SETD1A: variants seen among roughly 807,000 people sequenced by gnomAD.
The protein encoded by SETD1A is SET domain containing 1A, histone lysine methyltransferase, also known as histone-lysine N-methyltransferase SETD1A.
SETD1A carries 29 observed loss-of-function variants against 149.9 expected under a neutral mutation model. The observed-to-expected ratio is 0.19, with a 90% CI of 0.14 to 0.26. The LOEUF is 0.26. Ranked by LOEUF, SETD1A falls within the 10% of genes least tolerant of loss-of-function variation. SETD1A has a pLI of 1.00. For missense variants in SETD1A, 2,109 were observed against 2,353.1 expected, an observed-to-expected ratio of 0.90 and a Z score of 2.15; for synonymous variants, 1,141 against 968.5, an observed-to-expected ratio of 1.18 and a Z score of -3.31.
intron 4 of SETD1A, among the ~76,000 whole-genome samples, chr16:30,962,068 T>A (rs1488059536): frequency 6.6e-6 from 1 of 150,380 alleles, no homozygotes; most frequent in Non-Finnish European, 1.5e-5. Context: ...TTTTTAATTT[T>A]TTTTTTTTTT....
chr16:30,965,989 C>T lies in SETD1A; in HGVS notation c.2108C>T (p.Ser703Leu). Residue 703 changes from serine to leucine, a missense_variant, in exon 8 of 19, where the codon TCA becomes TTA. By Grantham distance (145) the Ser-to-Leu change is moderately radical. Coordinates refer to ENST00000262519, the MANE Select transcript of SETD1A (RefSeq NM_014712.3). ...LRQGKGLIAASAGPPGGAFGE... is the reference protein window; with the variant it reads ...LRQGKGLIAALAGPPGGAFGE... ...CAGGGCAAGGGATTGATTGCCGCCT[C>T]AGCTGGCCCCCCCGGTGGGGCCTTT... The T allele has an allele frequency of 6.3e-7, 1 of 1,582,612 alleles. No individual in the cohort carries two copies. Among genetic ancestry groups the T allele is most frequent in the Non-Finnish European group, 8.6e-7 (1 of 1,163,786 alleles).
rs74015057 is a variant in SETD1A, at chr16:30,978,511, G to T, written c.3359-634G>T. Among the ~76,000 whole-genome samples the T allele has an allele frequency of 6.3e-3, 961 of 152,172 alleles. 10 individuals carry two copies. Among genetic ancestry groups the T allele is most frequent in the African/African-American group, 0.022 (900 of 41,516 alleles). ...CAGTGTGTTCCCTCCCCAGCCACCC[G>T]CATCCTGGGATCTCCACTCCAGCCC... On this transcript the variant is annotated intron_variant, in intron 13 of 18. Transcript: ENST00000262519.
chr16:30,964,484 G>T (rs1342156768), intron 6 of SETD1A, 128 bp from the exon 7 acceptor site: 2 of 1,485,372 alleles, frequency 1.3e-6, no homozygotes, highest in Non-Finnish European at 1.8e-6. Context: ...GAACACACTA[G>T]CTAGGAACCC....
At position 30,984,123 on chromosome 16, in the gene SETD1A, C is replaced by T; in HGVS notation, c.*100C>T. 1.8e-6 allele frequency: 2 copies of T among 1,132,476 alleles called. No individual in the cohort carries two copies. The highest frequency in any genetic ancestry group is 2.4e-6 in the Non-Finnish European group (2 of 818,768). The allele number at this position is 1,132,476 out of a possible 1,614,324, so 70.2% of individuals were successfully genotyped here. A position where few individuals can be genotyped will look rare whatever the true frequency, so the allele number is the denominator to read the frequency against. On this transcript the variant is annotated 3_prime_UTR_variant, in exon 19 of 19. Coordinates refer to ENST00000262519, the MANE Select transcript of SETD1A (RefSeq NM_014712.3). ...TAGTGGGCTCAGCAGGGCCCACATG[C>T]CCCCATCTCCAAGCGTGGGGTTGGG...
At chr16:30,970,350 C>T (rs1296573827) in intron 12 of SETD1A, among the ~76,000 whole-genome samples, 2 of 151,414 alleles carry the variant, frequency 1.3e-5, no homozygotes, top group African/African-American at 4.9e-5. Context: ...TCACTGCAAC[C>T]TCCGCCTCCC....
Position 30,967,490 on chromosome 16 carries a change from C to G in SETD1A, c.2683-11C>G. The G allele has an allele frequency of 1.2e-6, 2 of 1,613,484 alleles. No homozygotes were observed. Among genetic ancestry groups the G allele is most frequent in the Non-Finnish European group, 1.7e-6 (2 of 1,179,484 alleles). ...GCTCTAAACAGGCCCCATCTTTTCC[C>G]CATCCCCCAGGTAAAGCGGAAAGAG... is the stretch of plus-strand genomic sequence containing the variant. On this transcript the variant is annotated splice_polypyrimidine_tract_variant and intron_variant, in intron 9 of 18. Coordinates refer to ENST00000262519, the MANE Select transcript of SETD1A (RefSeq NM_014712.3).
At chr16:30,969,232 T>G in intron 10 of SETD1A, 73 bp from the exon 11 acceptor site, 1 of 1,452,928 alleles carries the variant, frequency 6.9e-7, no homozygotes, top group Non-Finnish European at 9.4e-7. Flanking sequence ...ATAGTATATG[T>G]AAAGCCCCTT....
At position 30,984,059 on chromosome 16, in the gene SETD1A, T is replaced by C. The variant is rs765894091; in HGVS notation, c.*36T>C. ...GATGGGTGCCCACACCCCTATTTAT[T>C]CCCCCTGGTGCCCTGAGCTCCCAGC... On this transcript the variant is annotated 3_prime_UTR_variant, in exon 19 of 19. Coordinates refer to ENST00000262519, the MANE Select transcript of SETD1A (RefSeq NM_014712.3). 160 of 1,581,788 alleles carry C rather than the reference T, an allele frequency of 1.0e-4. No individual in the cohort carries two copies. The highest frequency in any genetic ancestry group is 1.3e-4 in the Non-Finnish European group (156 of 1,161,796).
Position 30,961,181 on chromosome 16 carries a change from T to C in SETD1A, c.247-86T>C. On this transcript the variant is annotated intron_variant, in intron 3 of 18. Coordinates refer to ENST00000262519, the MANE Select transcript of SETD1A (RefSeq NM_014712.3). The surrounding 1 kb of genome is among the most constrained non-coding windows in gnomAD (Gnocchi z 4.0). The stretch of plus-strand genomic sequence containing the variant: ...CACTTTCCCGGATCTCTCTCTTGAC[T>C]TCATGGAGCTTGCTAAAGTTTCCCG... 2 of 1,402,922 alleles carry C rather than the reference T, an allele frequency of 1.4e-6. No homozygotes were observed. The highest frequency in any genetic ancestry group is 2.0e-6 in the Non-Finnish European group (2 of 1,004,052). The allele number at this position is 1,402,922 out of a possible 1,614,324, so 86.9% of individuals were successfully genotyped here.
intron 13 of SETD1A, among the ~76,000 whole-genome samples, chr16:30,978,440 C>T (rs993853670): frequency 2.0e-5 from 3 of 152,084 alleles, no homozygotes; most frequent in Non-Finnish European, 4.4e-5. Context: ...GGATGCACTC[C>T]CCGTCCTGAG....
At position 30,979,507 on chromosome 16, in the gene SETD1A, G is replaced by A. The variant is rs1055059868; in HGVS notation, c.3721G>A (p.Glu1241Lys). The change falls in exon 14 of 19, where the codon GAG (glutamate) becomes AAG (lysine). Residue 1241 changes from glutamate to lysine, a missense_variant. By Grantham distance (56) the Glu-to-Lys change is moderately conservative. Coordinates refer to ENST00000262519, the MANE Select transcript of SETD1A (RefSeq NM_014712.3). The part of the protein sequence containing the change: ...SRAGGRGRLT[E>K]EEEAEPGTEV... ...GGCTGGAGGCCGAGGCCGCCTCACC[G>A]AGGAAGAGGAGGCTGAGCCAGGGAC... 65 of 1,605,296 alleles carry A rather than the reference G, an allele frequency of 4.0e-5. No homozygotes were observed. Among genetic ancestry groups the A allele is most frequent in the Non-Finnish European group, 4.8e-5 (56 of 1,176,812 alleles).
intron 4 of SETD1A, among the ~76,000 whole-genome samples, chr16:30,962,675 G>A (rs1393242773): frequency 1.3e-5 from 2 of 152,230 alleles, no homozygotes; most frequent in South Asian, 2.1e-4. Context: ...CCGGGCATGC[G>A]GTGGCTCACG....
rs1025260651 is a variant in SETD1A at position 30,966,022 on chromosome 16, C to G, written c.2141C>G (p.Ala714Gly). 4 of 1,564,292 alleles carry G rather than the reference C, an allele frequency of 2.6e-6. No homozygotes were observed. Among genetic ancestry groups the G allele is most frequent in the African/African-American group, 1.4e-5 (1 of 73,386 alleles). ...CCCCCCGGTGGGGCCTTTGGGGAGG[C>G]CTTCCTCCCGTTTCCACCCCCGCAG... ...AGPPGGAFGE[A>G]FLPFPPPQEA... Residue 714 changes from alanine (A) to glycine (G), a missense_variant, in exon 8 of 19, where the codon GCC (alanine) becomes GGC (glycine). Physicochemically the swap from Ala to Gly is moderately conservative, Grantham distance 60 (BLOSUM62 0). Transcript: ENST00000262519.
At chr16:30,981,399 A>G (rs927048126) in intron 17 of SETD1A, among the ~76,000 whole-genome samples, 2 of 152,140 alleles carry the variant, frequency 1.3e-5, no homozygotes, top group African/African-American at 4.8e-5. Flanking sequence ...GTTTTGAGAC[A>G]TAGTCTCTCT....
At chr16:30,958,542 TG>T (rs1332612422) in intron 1 of SETD1A, among the ~76,000 whole-genome samples, 174 bp from the exon 2 acceptor site, 1 of 151,882 alleles carries the variant, frequency 6.6e-6, no homozygotes, top group Non-Finnish European at 1.5e-5. Context: ...GAGGCTGGGT[TG>T]TTGTGGCGAA....
intron 6 of SETD1A, 32 bp downstream of exon 6, chr16:30,964,355 C>A (rs201848774): frequency 6.4e-7 from 1 of 1,558,364 alleles, no homozygotes; most frequent in Non-Finnish European, 8.8e-7. Flanking sequence ...GGGCCCCGCC[C>A]GCAAAGTCTG....
intron 13 of SETD1A, among the ~76,000 whole-genome samples, chr16:30,977,304 G>A (rs183755218): frequency 4.6e-5 from 7 of 152,060 alleles, no homozygotes; most frequent in Admixed American, 2.6e-4. Context: ...AGTGATTGCC[G>A]CCTGGGGATG....
In SETD1A at chr16:30,965,681, C is replaced by T. The variant is rs1469589730; in HGVS notation, c.1800C>T (p.Pro600=). ...RGGSPPPAPT[P]PQQPPPPPPP... ...GCTCACCCCCTCCGGCCCCGACGCCCCCTCAGCAGCCTCCGCCACCTCCCC... is the reference window on the plus strand; with the variant it reads ...GCTCACCCCCTCCGGCCCCGACGCCTCCTCAGCAGCCTCCGCCACCTCCCC... The change falls in exon 8 of 19, where the codon CCC becomes CCT. Residue 600 remains proline (P), a synonymous_variant. Transcript: ENST00000262519. The T allele has an allele frequency of 6.2e-7, 1 of 1,607,834 alleles. No individual in the cohort carries two copies. The highest frequency in any genetic ancestry group is 8.5e-7 in the Non-Finnish European group (1 of 1,177,480).
At chr16:30,972,853 C>CAA (rs560520968) in intron 13 of SETD1A, among the ~76,000 whole-genome samples, 1 of 130,516 alleles carries the variant, frequency 7.7e-6, no homozygotes. Flanking sequence ...GACCCTGTCT[C>CAA]AAAAAAAAAA....
Sources: gnomAD v4.1 joint callset for allele counts (sites outside exome capture counted in the v4.1 genomes callset) on GRCh38, gnomAD v4.1.1 for gene constraint, Gnocchi (gnomAD v3.1) non-coding constraint, MANE v1.5 for transcripts, NCBI Gene and HGNC (gene_info 2026-07-23, HGNC 2026-07-21) for gene names.